Variants in PEX26 observed in about 807,000 individuals in gnomAD.
PEX26 encodes peroxisomal biogenesis factor 26, also known as peroxisome assembly protein 26.
PEX26 carries 18 observed loss-of-function variants against 31.4 expected under a neutral mutation model. The observed-to-expected ratio is 0.57, with a 90% CI of 0.40 to 0.85. PEX26 has a LOEUF of 0.85. PEX26 is among the 40% of genes least tolerant of loss of function. The probability of loss-of-function intolerance (pLI) is 0.00; values close to 1 mark genes in which losing one functional copy is unlikely to be tolerated. For missense variants in PEX26, 377 were observed against 383.9 expected (o/e 0.98, Z 0.15); for synonymous variants, 176 against 166.9 (o/e 1.05, Z -0.42).
rs753539295 is a variant in PEX26, at chr22:18,078,410, C to A, written c.34C>A (p.Leu12Ile). Residue 12 changes from leucine (L) to isoleucine (I), a missense_variant, in exon 1 of 5, where the codon CTC (leucine) becomes ATC (isoleucine). Leu to Ile is a conservative substitution (Grantham distance 5). Coordinates refer to ENST00000399744, the MANE Select transcript of PEX26 (RefSeq NM_001127649.3). ...KSDSSTSAAPLRGLGGPLRSS... is the reference protein window; with the variant it reads ...KSDSSTSAAPIRGLGGPLRSS... The stretch of plus-strand genomic sequence containing the variant: ...CGATTCTTCGACCTCTGCAGCCCCC[C>A]TCAGGGGGCTCGGGGGACCCCTGCG... The A allele has an allele frequency of 1.3e-6, 2 of 1,595,938 alleles. No individual in the cohort carries two copies. The highest frequency in any genetic ancestry group is 2.3e-5 in the East Asian group (1 of 44,336).
Position 18,078,498 on chromosome 22 carries a change from C to T in PEX26, c.122C>T (p.Ala41Val), listed in dbSNP as rs1926398102. The T allele has an allele frequency of 1.9e-6, 3 of 1,570,142 alleles. No homozygotes were observed. The highest frequency in any genetic ancestry group is 1.7e-6 in the Non-Finnish European group (2 of 1,161,070). Reference protein sequence around the residue: ...RAPAVDLLEEAADLLVVHLDF... With the variant: ...RAPAVDLLEEVADLLVVHLDF... ...CCGGCCGTGGACCTTCTGGAGGAGGCGGCCGACCTCCTGGTGGTGCACCTG... is the reference window on the plus strand; with the variant it reads ...CCGGCCGTGGACCTTCTGGAGGAGGTGGCCGACCTCCTGGTGGTGCACCTG... Residue 41 changes from alanine to valine, a missense_variant, in exon 1 of 5, where the codon GCG (alanine) becomes GTG (valine). Coordinates refer to ENST00000399744, the MANE Select transcript of PEX26 (RefSeq NM_001127649.3).
intron 2 of PEX26, among the ~76,000 whole-genome samples, chr22:18,080,521 A>G (rs362146): frequency 0.89 from 134,591 of 152,048 alleles, 59,710 homozygotes; most frequent in East Asian, 0.92. Context: ...AAGTAGAGAC[A>G]GGGTTTTACC....
rs1927583927 is a variant in PEX26, at chr22:18,105,358, C to G, written c.*17283C>G. The G allele has an allele frequency of 6.6e-6, 1 of 152,168 alleles. No individual in the cohort carries two copies. The highest frequency in any genetic ancestry group is 2.1e-4 in the South Asian group (1 of 4,834). 9.4% of individuals were successfully genotyped at this position (152,168 alleles called of 1,614,324 possible). A position where few individuals can be genotyped will look rare whatever the true frequency, so the allele number is the denominator to read the frequency against. ...AGTTAATGTTTCTATGTTTCTGATT[C>G]TTCATTTGTAAAATGAGGATAATAA... On this transcript the variant is annotated 3_prime_UTR_variant, in exon 5 of 5. Coordinates refer to ENST00000399744, the MANE Select transcript of PEX26 (RefSeq NM_001127649.3).
rs1353325671 is a variant in PEX26 at position 18,094,829 on chromosome 22, G to C, written c.*6754G>C. On this transcript the variant is annotated 3_prime_UTR_variant, in exon 5 of 5. Coordinates refer to ENST00000399744, the MANE Select transcript of PEX26 (RefSeq NM_001127649.3). Reference sequence around the variant, plus strand: ...GAATCTTGCTCTTGTCACCTAGGCTGGAGTGCAGTGGTGCGATCTCGGCTC... The same window carrying C: ...GAATCTTGCTCTTGTCACCTAGGCTCGAGTGCAGTGGTGCGATCTCGGCTC... 1.4e-5 allele frequency: 2 copies of C among 147,544 alleles called. No homozygotes were observed. The highest frequency in any genetic ancestry group is 5.1e-5 in the African/African-American group (2 of 39,548). 9.1% of individuals were successfully genotyped at this position (147,544 alleles called of 1,614,324 possible).
intron 4 of PEX26, among the ~76,000 whole-genome samples, chr22:18,086,267 C>T (rs1051244396): frequency 5.9e-5 from 9 of 152,192 alleles, no homozygotes; most frequent in African/African-American, 2.2e-4. Context: ...CTGTTGCCCT[C>T]TGGCCTGGGC....
intron 1 of PEX26, chr22:18,079,026 G>C (rs1602456130): frequency 2.7e-6 from 1 of 367,378 alleles, no homozygotes; most frequent in East Asian, 7.3e-5. Context: ...GGTCCAATTA[G>C]AGGACTGGAT....
Position 18,078,195 on chromosome 22 carries a change from C to T in PEX26, c.-182C>T, listed in dbSNP as rs1218459295. ...CTGCTTCCCCAGCCTCCAGGCGAGC[C>T]CAGCTTTTGCCTCAGATAGGCCCCT... On this transcript the variant is annotated 5_prime_UTR_variant, in exon 1 of 5. Transcript: ENST00000399744. The T allele has an allele frequency of 2.8e-6, 2 of 702,694 alleles. No individual in the cohort carries two copies. Among genetic ancestry groups the T allele is most frequent in the South Asian group, 1.5e-5 (1 of 66,790 alleles). 43.5% of individuals were successfully genotyped at this position (702,694 alleles called of 1,614,324 possible).
chr22:18,079,856 T>C lies in PEX26; in HGVS notation c.231-18T>C. On this transcript the variant is annotated intron_variant, in intron 1 of 4. Coordinates refer to ENST00000399744, the MANE Select transcript of PEX26 (RefSeq NM_001127649.3). The stretch of plus-strand genomic sequence containing the variant: ...GAGGGGAACCACTTCTAACTGAAAT[T>C]GGTTTTTCTGCTGACAGCTCATTGG... The C allele has an allele frequency of 6.2e-7, 1 of 1,613,988 alleles. No homozygotes were observed. The highest frequency in any genetic ancestry group is 8.5e-7 in the Non-Finnish European group (1 of 1,179,976).
chr22:18,078,002 G>T lies in PEX26; in HGVS notation c.-375G>T, dbSNP rs752393777. 4 of 448,618 alleles carry T rather than the reference G, an allele frequency of 8.9e-6. No homozygotes were observed. Among genetic ancestry groups the T allele is most frequent in the African/African-American group, 8.0e-5 (4 of 49,792 alleles). The allele number at this position is 448,618 out of a possible 1,614,324, so 27.8% of individuals were successfully genotyped here. A position where few individuals can be genotyped will look rare whatever the true frequency, so the allele number is the denominator to read the frequency against. Reference sequence around the variant, plus strand: ...CCGCCGGGACGCCGCGCGGCTGCGGGGCTGGGCGAGCGCAAAGATGTCCGC... The same window carrying T: ...CCGCCGGGACGCCGCGCGGCTGCGGTGCTGGGCGAGCGCAAAGATGTCCGC... On this transcript the variant is annotated 5_prime_UTR_variant, in exon 1 of 5. Transcript: ENST00000399744.
At position 18,079,945 on chromosome 22, in the gene PEX26, A is replaced by T. The variant is rs1463830084; in HGVS notation, c.302A>T (p.Glu101Val). ...QALAEMDRWQ[E>V]VLSWVLQYYQ... is the part of the protein sequence containing the mutation. ...CTGGCAGAAATGGATCGGTGGCAAG[A>T]AGTCCTCTCCTGGGTCCTTCAGTAT... Residue 101 changes from glutamate to valine, a missense_variant, in exon 2 of 5, where the codon GAA (glutamate) becomes GTA (valine). Coordinates refer to ENST00000399744, the MANE Select transcript of PEX26 (RefSeq NM_001127649.3). 1 of 1,614,136 alleles carries T rather than the reference A, an allele frequency of 6.2e-7. No homozygotes were observed. Among genetic ancestry groups the T allele is most frequent in the East Asian group, 2.2e-5 (1 of 44,874 alleles).
intron 4 of PEX26, among the ~76,000 whole-genome samples, chr22:18,087,356 C>T (rs1403774200): frequency 2.6e-5 from 4 of 152,300 alleles, no homozygotes; most frequent in Admixed American, 1.3e-4. Context: ...ATTATAGGCA[C>T]AAGCCATCAT....
At position 18,091,023 on chromosome 22, in the gene PEX26, A is replaced by G. The variant is rs1226604156; in HGVS notation, c.*2948A>G. ...AAAAATACGGAATTCAAAAGTTACA[A>G]AAAGGGTATTCTTGGAAAAGAAAGT... On this transcript the variant is annotated 3_prime_UTR_variant, in exon 5 of 5. Transcript: ENST00000399744. 3 of 152,272 alleles carry G rather than the reference A, an allele frequency of 2.0e-5. No individual in the cohort carries two copies. The East Asian group carries it at 5.8e-4, about 29-fold the overall frequency. The allele number at this position is 152,272 out of a possible 1,614,324, so 9.4% of individuals were successfully genotyped here. A position where few individuals can be genotyped will look rare whatever the true frequency, so the allele number is the denominator to read the frequency against.
intron 4 of PEX26, among the ~76,000 whole-genome samples, chr22:18,085,469 C>CA (rs1244550242): frequency 6.6e-6 from 1 of 152,160 alleles, no homozygotes; most frequent in African/African-American, 2.4e-5. Flanking sequence ...TCTATGAGAG[C>CA]AGCCAGGAGA....
chr22:18,096,795 A>C lies in PEX26; in HGVS notation c.*8720A>C, dbSNP rs1695377006. The C allele has an allele frequency of 6.6e-6, 1 of 152,200 alleles. No individual in the cohort carries two copies. The highest frequency in any genetic ancestry group is 2.4e-5 in the African/African-American group (1 of 41,436). The allele number at this position is 152,200 out of a possible 1,614,324, so 9.4% of individuals were successfully genotyped here. A position where few individuals can be genotyped will look rare whatever the true frequency, so the allele number is the denominator to read the frequency against. Reference sequence around the variant, plus strand: ...GTTTAATTTTCTAAATATGCAATACATTCATAGGGTTTTTGAAAAGGCTTG... The same window carrying C: ...GTTTAATTTTCTAAATATGCAATACCTTCATAGGGTTTTTGAAAAGGCTTG... On this transcript the variant is annotated 3_prime_UTR_variant, in exon 5 of 5. Coordinates refer to ENST00000399744, the MANE Select transcript of PEX26 (RefSeq NM_001127649.3).
chr22:18,090,040 C>T lies in PEX26; in HGVS notation c.*1965C>T, dbSNP rs1365865328. 2.6e-5 allele frequency: 4 copies of T among 152,130 alleles called. No homozygotes were observed. The highest frequency in any genetic ancestry group is 4.4e-5 in the Non-Finnish European group (3 of 68,030). 9.4% of individuals were successfully genotyped at this position (152,130 alleles called of 1,614,324 possible). A position where few individuals can be genotyped will look rare whatever the true frequency, so the allele number is the denominator to read the frequency against. Reference sequence around the variant, plus strand: ...AAAAATGAGTAAAGTAGGTAAACTTCACAGGCCCCTTAGAATTAAATCCTT... The same window carrying T: ...AAAAATGAGTAAAGTAGGTAAACTTTACAGGCCCCTTAGAATTAAATCCTT... On this transcript the variant is annotated 3_prime_UTR_variant, in exon 5 of 5. Transcript: ENST00000399744.
At position 18,083,612 on chromosome 22, in the gene PEX26, G is replaced by A. The variant is rs535045097; in HGVS notation, c.547G>A (p.Gly183Ser). 8.7e-6 allele frequency: 14 copies of A among 1,613,972 alleles called. No homozygotes were observed. Among genetic ancestry groups the A allele is most frequent in the Non-Finnish European group, 1.2e-5 (14 of 1,180,002 alleles). ...CLSEAEELVV[G>S]SAAFGEERRL... ...ATCGGAGGCTGAGGAGCTAGTGGTG[G>A]GCTCTGCAGCCTTTGGTGAGGAGCG... Residue 183 changes from glycine (G) to serine (S), a missense_variant, in exon 3 of 5, where the codon GGC becomes AGC. Physicochemically the swap from Gly to Ser is moderately conservative, Grantham distance 56 (BLOSUM62 0). Coordinates refer to ENST00000399744, the MANE Select transcript of PEX26 (RefSeq NM_001127649.3).
At chr22:18,082,262 G>A (rs1389846650) in intron 2 of PEX26, among the ~76,000 whole-genome samples, 1 of 151,702 alleles carries the variant, frequency 6.6e-6, no homozygotes, top group Non-Finnish European at 1.5e-5. Flanking sequence ...TGCTTTTAAG[G>A]TCTTACTGAA....
chr22:18,086,450 C>T (rs1211851918), intron 4 of PEX26, among the ~76,000 whole-genome samples: 1 of 152,212 alleles, frequency 6.6e-6, no homozygotes, highest in Admixed American at 6.5e-5. Context: ...GGCCTTAAAT[C>T]GCTAACTATT....
intron 1 of PEX26, among the ~76,000 whole-genome samples, chr22:18,079,673 A>G (rs1279005608): frequency 6.6e-6 from 1 of 152,166 alleles, no homozygotes; most frequent in Non-Finnish European, 1.5e-5. Flanking sequence ...TTGCCTCTTG[A>G]AAGAGGGTTA....
Sources: gnomAD v4.1 joint callset for allele counts (sites outside exome capture counted in the v4.1 genomes callset) on GRCh38, gnomAD v4.1.1 for gene constraint, MANE v1.5 for transcripts, NCBI Gene and HGNC (gene_info 2026-07-23, HGNC 2026-07-21) for gene names.